The following BBS9 variants were observed in gnomAD, a reference collection of about 807,000 sequenced individuals.
BBS9 encodes protein PTHB1.
In BBS9, 89 loss-of-function variants were observed where a neutral mutation model predicts 117.7. That is an observed-to-expected ratio of 0.76 (90% CI 0.64 to 0.90). The LOEUF (loss-of-function observed/expected upper bound fraction) is 0.90. Ranked by LOEUF, BBS9 falls within the 40% of genes least tolerant of loss-of-function variation. The pLI, the probability that BBS9 is intolerant of heterozygous loss-of-function variation, is 0.00. For synonymous variants in BBS9, 379 were observed against 370.9 expected, an observed-to-expected ratio of 1.02 and a Z score of -0.25; for missense variants, 982 against 1,042.2, an observed-to-expected ratio of 0.94 and a Z score of 0.80.
chr7:33,513,896 T>C (rs1847338635), intron 20 of BBS9, among the ~76,000 whole-genome samples: 1 of 152,228 alleles, frequency 6.6e-6, no homozygotes, highest in Non-Finnish European at 1.5e-5. Flanking sequence ...TACCCACTTA[T>C]TTGTGATATG....
chr7:33,618,191 C>T (rs931409464), intron 21 of BBS9, among the ~76,000 whole-genome samples: 6 of 151,928 alleles, frequency 3.9e-5, no homozygotes, highest in Middle Eastern at 6.8e-3. Context: ...TTTTTTGTTT[C>T]AGAATTAGCT....
At chr7:33,242,851 G>C in intron 5 of BBS9, 1 of 439,208 alleles carries the variant, frequency 2.3e-6, no homozygotes, top group South Asian at 1.8e-5. Flanking sequence ...TATGTCATTA[G>C]GTACCTACAC....
intron 5 of BBS9, among the ~76,000 whole-genome samples, chr7:33,222,549 C>T (rs1428478724): frequency 6.6e-6 from 1 of 152,168 alleles, no homozygotes; most frequent in East Asian, 1.9e-4. Context: ...TGCCTCATAT[C>T]TTGTTCCAGG....
chr7:33,277,739 C>G (rs1321954617), intron 9 of BBS9, among the ~76,000 whole-genome samples: 1 of 152,134 alleles, frequency 6.6e-6, no homozygotes, highest in African/African-American at 2.4e-5. Context: ...TGCTGAATCA[C>G]TTCTGGGAGC....
rs117862026 is a variant in BBS9 at position 33,362,742 on chromosome 7, G to A, written c.1693+4747G>A. Among the ~76,000 whole-genome samples, 353 of 152,054 alleles carry A rather than the reference G, an allele frequency of 2.3e-3. 12 individuals carry two copies. The East Asian group carries it at 0.064, about 27-fold the overall frequency. ...CTCAATTTTGTTTTGGATATTTTAG[G>A]TCCTTTGCATTTTCATATGAATCTT... On this transcript the variant is annotated intron_variant, in intron 16 of 22. Transcript: ENST00000242067.
intron 21 of BBS9, among the ~76,000 whole-genome samples, chr7:33,577,544 A>G (rs938752693): frequency 3.9e-5 from 6 of 152,192 alleles, no homozygotes; most frequent in Admixed American, 6.5e-5. Context: ...CAGCGATCCC[A>G]TTACTGGGTA....
intron 17 of BBS9, among the ~76,000 whole-genome samples, chr7:33,381,638 A>G (rs1825056603): frequency 6.6e-6 from 1 of 152,144 alleles, no homozygotes; most frequent in East Asian, 1.9e-4. Flanking sequence ...ACAAAAGTAA[A>G]TATTTGGTGG....
intron 21 of BBS9, among the ~76,000 whole-genome samples, chr7:33,628,147 C>G (rs1337795650): frequency 6.6e-6 from 1 of 152,132 alleles, no homozygotes; most frequent in African/African-American, 2.4e-5. Flanking sequence ...TCAGAGGAAA[C>G]ATTTCCACCT....
At chr7:33,433,095 A>G (rs537989297) in intron 19 of BBS9, among the ~76,000 whole-genome samples, 46 of 152,290 alleles carry the variant, frequency 3.0e-4, no homozygotes, top group African/African-American at 9.9e-4. Context: ...GAGGCACTTG[A>G]TTTAGGAATA....
intron 19 of BBS9, among the ~76,000 whole-genome samples, chr7:33,404,318 G>A (rs1829520921): frequency 6.6e-6 from 1 of 152,104 alleles, no homozygotes; most frequent in Non-Finnish European, 1.5e-5. Flanking sequence ...GATTGACTTG[G>A]CGATGTGGGC....
chr7:33,543,668 C>CA (rs1852782243), intron 21 of BBS9, among the ~76,000 whole-genome samples: 1 of 152,134 alleles, frequency 6.6e-6, no homozygotes, highest in African/African-American at 2.4e-5. Flanking sequence ...AACCTGATGA[C>CA]AATGTGCCTA....
chr7:33,307,060 A>C (rs188367645), intron 9 of BBS9, among the ~76,000 whole-genome samples: 26 of 152,308 alleles, frequency 1.7e-4, no homozygotes, highest in Non-Finnish European at 1.5e-5. Context: ...AAAAGCAAGA[A>C]CACAAAGCAA....
chr7:33,284,853 G>A (rs978824233), intron 9 of BBS9, among the ~76,000 whole-genome samples: 3 of 152,044 alleles, frequency 2.0e-5, no homozygotes, highest in Admixed American at 6.6e-5. Flanking sequence ...TTTTTAGTCT[G>A]CTGAGGTACT....
In BBS9 at chr7:33,298,858, A is replaced by G. The variant is rs376262622; in HGVS notation, c.1016+24902A>G. On this transcript the variant is annotated intron_variant, in intron 9 of 22. Transcript: ENST00000242067. ...GTCCACATAGAGGCGAGGCTGAACT[A>G]CTGGTACCTTGATGCAGTATAAAGG... is the stretch of plus-strand genomic sequence containing the variant. 6.6e-5 allele frequency among the ~76,000 whole-genome samples: 10 copies of G among 152,336 alleles called. No individual in the cohort carries two copies. The South Asian group carries it at 2.1e-3, about 32-fold the overall frequency.
At chr7:33,561,451 C>G (rs1192459814) in intron 21 of BBS9, among the ~76,000 whole-genome samples, 1 of 152,158 alleles carries the variant, frequency 6.6e-6, no homozygotes, top group Non-Finnish European at 1.5e-5. Flanking sequence ...TTCCTCTAGC[C>G]TTTCCCAAAT....
intron 1 of BBS9, among the ~76,000 whole-genome samples, chr7:33,132,438 G>A (rs1386694480): frequency 6.6e-6 from 1 of 152,046 alleles, no homozygotes; most frequent in African/African-American, 2.4e-5. Context: ...TTCCTTTAAG[G>A]CGAAGTCATT....
chr7:33,165,939 T>C lies in BBS9; in HGVS notation c.328+10237T>C, dbSNP rs906247478. On this transcript the variant is annotated intron_variant, in intron 4 of 22. Coordinates refer to ENST00000242067, the MANE Select transcript of BBS9 (RefSeq NM_198428.3). ...TGCTCTGGTTTTTAGAATTTTCAGC[T>C]TTTCTGCTCTGGTTTCTCCCCATCT... Among the ~76,000 whole-genome samples the C allele has an allele frequency of 4.6e-4, 70 of 152,174 alleles. 1 individual carries two copies. Among genetic ancestry groups the C allele is most frequent in the Admixed American group, 1.2e-3 (18 of 15,284 alleles).
rs1838926694 is a variant in BBS9 at position 33,458,146 on chromosome 7, CTTA to C, written c.2116-47312_2116-47310del. ...GCACTTTTTTGTTTTTTGAATAATG[CTTA>C]TTATAGAAAATGTCTGATTTAGCAA... On this transcript the variant is annotated intron_variant, in intron 19 of 22. Coordinates refer to ENST00000242067, the MANE Select transcript of BBS9 (RefSeq NM_198428.3). 2.0e-5 allele frequency among the ~76,000 whole-genome samples: 3 copies of C among 152,002 alleles called. 1 individual carries two copies. The highest frequency in any genetic ancestry group is 2.0e-4 in the Admixed American group (3 of 15,246).
intron 19 of BBS9, among the ~76,000 whole-genome samples, chr7:33,500,594 G>A (rs1845313622): frequency 6.6e-6 from 1 of 152,192 alleles, no homozygotes; most frequent in Non-Finnish European, 1.5e-5. Flanking sequence ...CACAGTGCCT[G>A]GCCCACAGTC....
Sources: gnomAD v4.1 joint callset for allele counts (sites outside exome capture counted in the v4.1 genomes callset) on GRCh38, gnomAD v4.1.1 for gene constraint, MANE v1.5 for transcripts, NCBI Gene and HGNC (gene_info 2026-07-23, HGNC 2026-07-21) for gene names.